Variants in GRM4 observed in about 807,000 individuals in gnomAD.
GRM4 encodes glutamate metabotropic receptor 4.
In GRM4, 28 loss-of-function variants were observed where a neutral mutation model predicts 81.7. The ratio of observed to expected loss-of-function variants is 0.34; its 90% confidence interval spans 0.25 to 0.47. The LOEUF is 0.47. Ranked by LOEUF, GRM4 falls within the 20% of genes least tolerant of loss-of-function variation. GRM4 has a pLI of 1.00. For synonymous variants in GRM4, 488 were observed against 528.8 expected (o/e 0.92, Z 1.06); for missense variants, 948 against 1,290.0 (o/e 0.73, Z 4.06).
intron 2 of GRM4, among the ~76,000 whole-genome samples, chr6:34,116,380 C>G (rs904312473): frequency 3.9e-5 from 6 of 152,184 alleles, no homozygotes; most frequent in Non-Finnish European, 8.8e-5. Context: ...ATAAATCCAA[C>G]CATTCATTTT....
In GRM4 at chr6:34,107,375, G is replaced by A. The variant is rs549817869; in HGVS notation, c.520-15276C>T. ...CCTGAGCACCCTCTATGTGCCTGGC[G>A]CCATGGCAAGCACCAGGAGGCCACA... On this transcript the variant is annotated intron_variant, in intron 2 of 10. Transcript: ENST00000538487. 2.3e-4 allele frequency among the ~76,000 whole-genome samples: 35 copies of A among 152,220 alleles called. No individual in the cohort carries two copies. In the East Asian group the frequency reaches 5.8e-3, roughly 25 times the overall value.
chr6:34,059,703 G>A lies in GRM4; in HGVS notation c.873-575C>T, dbSNP rs1475597912. Reference sequence around the variant, plus strand: ...TGAGTGGGAGTGGGTGATGGAGGGAGATGGGTGTGGAGCCAGCTGCCCAGT... The same window carrying A: ...TGAGTGGGAGTGGGTGATGGAGGGAAATGGGTGTGGAGCCAGCTGCCCAGT... On this transcript the variant is annotated intron_variant, in intron 4 of 10. Transcript: ENST00000538487. This position sits in a 1 kb window ranked among gnomAD's most constrained non-coding sequence, Gnocchi z 5.7. 6.3e-6 allele frequency: 1 copy of A among 157,880 alleles called. No homozygotes were observed. Among genetic ancestry groups the A allele is most frequent in the African/African-American group, 2.4e-5 (1 of 41,524 alleles). 9.8% of individuals were successfully genotyped at this position (157,880 alleles called of 1,614,324 possible). A position where few individuals can be genotyped will look rare whatever the true frequency, so the allele number is the denominator to read the frequency against.
chr6:34,049,010 G>A (rs1343698862), intron 6 of GRM4, among the ~76,000 whole-genome samples: 3 of 152,072 alleles, frequency 2.0e-5, no homozygotes, highest in Non-Finnish European at 2.9e-5. Context: ...GTAGAAATAC[G>A]AGGTCATTTC....
rs1764958247 is a variant in GRM4 at position 34,040,541 on chromosome 6, C to G, written c.1369+7G>C. On this transcript the variant is annotated splice_region_variant and intron_variant, in intron 7 of 10. Transcript: ENST00000538487. ...AGGGTCAGGCACAGTCCGCACCACA[C>G]CCCCACCTGAGAAGTTGACGTTTCG... is the stretch of plus-strand genomic sequence containing the variant. 3 of 1,609,748 alleles carry G rather than the reference C, an allele frequency of 1.9e-6. No individual in the cohort carries two copies. The East Asian group carries it at 6.7e-5, about 36-fold the overall frequency.
intron 9 of GRM4, among the ~76,000 whole-genome samples, chr6:34,031,104 G>T (rs1764389356): frequency 6.6e-6 from 1 of 152,200 alleles, no homozygotes; most frequent in African/African-American, 2.4e-5. Flanking sequence ...GAGAAACAGT[G>T]GTCCTCTAGA....
chr6:34,028,932 C>T (rs900177525), intron 9 of GRM4, among the ~76,000 whole-genome samples: 2 of 152,198 alleles, frequency 1.3e-5, no homozygotes, highest in African/African-American at 4.8e-5. Flanking sequence ...CCTCGGCACC[C>T]ATCGCGATAT....
At chr6:34,105,581 C>T (rs1306748840) in intron 2 of GRM4, among the ~76,000 whole-genome samples, 3 of 152,078 alleles carry the variant, frequency 2.0e-5, no homozygotes, top group Non-Finnish European at 4.4e-5. Context: ...CAGGGCTCAG[C>T]GCTCCCTTCC....
At chr6:34,139,179 C>T (rs1015744329) in intron 1 of GRM4, among the ~76,000 whole-genome samples, 2 of 152,222 alleles carry the variant, frequency 1.3e-5, no homozygotes, top group Admixed American at 6.5e-5. Flanking sequence ...TCACCAGCCT[C>T]GACCAGGAAG....
At chr6:34,072,241 T>TCAC (rs1766946291) in intron 3 of GRM4, among the ~76,000 whole-genome samples, 1 of 28,868 alleles carries the variant, frequency 3.5e-5, no homozygotes, top group African/African-American at 1.6e-4. Context: ...CACACACACA[T>TCAC]CACACAGATA....
At chr6:34,026,732 C>A (rs1025745720) in intron 10 of GRM4, among the ~76,000 whole-genome samples, 2 of 152,178 alleles carry the variant, frequency 1.3e-5, no homozygotes, top group Non-Finnish European at 2.9e-5. Flanking sequence ...AGGGCCCCAC[C>A]CTTTATGGGA....
intron 2 of GRM4, among the ~76,000 whole-genome samples, chr6:34,100,275 G>C (rs188969028): frequency 2.5e-4 from 38 of 152,328 alleles, no homozygotes; most frequent in Non-Finnish European, 4.6e-4. Context: ...CCGGTCTGGA[G>C]ATGGACCTCC....
chr6:34,044,779 TACAC>T (rs1304028420), intron 6 of GRM4, among the ~76,000 whole-genome samples: 2 of 113,468 alleles, frequency 1.8e-5, no homozygotes, highest in Admixed American at 8.6e-5. Context: ...GACATACACA[TACAC>T]ACACAGACAT....
intron 3 of GRM4, among the ~76,000 whole-genome samples, chr6:34,072,237 C>G (rs1766945649): frequency 6.9e-6 from 1 of 144,842 alleles, no homozygotes; most frequent in African/African-American, 2.6e-5. Flanking sequence ...ACACCACACA[C>G]ACATCACACA....
At chr6:34,106,872 C>G (rs1426595342) in intron 2 of GRM4, among the ~76,000 whole-genome samples, 1 of 152,256 alleles carries the variant, frequency 6.6e-6, no homozygotes, top group African/African-American at 2.4e-5. Flanking sequence ...CGGCAGTTGG[C>G]TTTCACCTGC....
chr6:34,110,633 C>G lies in GRM4; in HGVS notation c.520-18534G>C, dbSNP rs916623739. On this transcript the variant is annotated intron_variant, in intron 2 of 10. Coordinates refer to ENST00000538487, the MANE Select transcript of GRM4 (RefSeq NM_000841.4). ...GCCACAGCAGCCCTGCTCCCTACCC[C>G]CTTACCATACCCCTTCTCATCCCCA... 7.4e-6 allele frequency: 8 copies of G among 1,075,392 alleles called. No homozygotes were observed. The East Asian group carries it at 1.3e-4, about 18-fold the overall frequency. The allele number at this position is 1,075,392 out of a possible 1,614,324, so 66.6% of individuals were successfully genotyped here.
At chr6:34,056,401 A>G (rs1581627534) in intron 6 of GRM4, 143 bp downstream of exon 6, 1 of 657,530 alleles carries the variant, frequency 1.5e-6, no homozygotes, top group East Asian at 3.0e-5. Flanking sequence ...TCCCAACTCC[A>G]CCCCAGGTGC....
At chr6:34,102,385 C>T (rs549269054) in intron 2 of GRM4, among the ~76,000 whole-genome samples, 2 of 152,324 alleles carry the variant, frequency 1.3e-5, no homozygotes, top group Non-Finnish European at 2.9e-5. Context: ...GCTCCAGTCA[C>T]GCCAGCCTCC....
At chr6:34,098,479 A>T (rs1456078804) in intron 2 of GRM4, among the ~76,000 whole-genome samples, 1 of 152,174 alleles carries the variant, frequency 6.6e-6, no homozygotes, top group Non-Finnish European at 1.5e-5. Flanking sequence ...GGGATCTTGC[A>T]GCCACCTCTG....
chr6:34,092,120 C>T lies in GRM4; in HGVS notation c.520-21G>A. ...GGTATCTGAGGGGCGAGAGGGGCTG[C>T]TGAGGGTGGCGACTGGCTCCCCACC... is the stretch of plus-strand genomic sequence containing the variant. On this transcript the variant is annotated intron_variant, in intron 2 of 10. Transcript: ENST00000538487. The surrounding 1 kb of genome is among the most constrained non-coding windows in gnomAD (Gnocchi z 6.8). The T allele has an allele frequency of 1.3e-6, 2 of 1,544,590 alleles. No homozygotes were observed. The highest frequency in any genetic ancestry group is 1.4e-5 in the African/African-American group (1 of 73,892).
Sources: gnomAD v4.1 joint callset for allele counts (sites outside exome capture counted in the v4.1 genomes callset) on GRCh38, gnomAD v4.1.1 for gene constraint, Gnocchi (gnomAD v3.1) non-coding constraint, MANE v1.5 for transcripts, NCBI Gene and HGNC (gene_info 2026-07-23, HGNC 2026-07-21) for gene names.